ATP2B3: variants seen among roughly 807,000 people sequenced by gnomAD.
ATP2B3 encodes plasma membrane calcium-transporting ATPase 3.
ATP2B3 carries 12 observed loss-of-function variants against 70.8 expected under a neutral mutation model. That is an observed-to-expected ratio of 0.17 (90% CI 0.11 to 0.27). ATP2B3 has a LOEUF of 0.27. Among genes scored for constraint, ATP2B3 ranks in the 10% least tolerant of loss-of-function variants. ATP2B3 has a pLI of 1.00. For missense variants in ATP2B3, 858 were observed against 1,118.5 expected, an observed-to-expected ratio of 0.77 and a Z score of 3.32; for synonymous variants, 460 against 497.8, an observed-to-expected ratio of 0.92 and a Z score of 1.01.
At chrX:153,574,954 G>A (rs1557020973) in intron 21 of ATP2B3, 10 of 300,083 alleles carry the variant, frequency 3.3e-5, no homozygotes, top group African/African-American at 8.0e-5. Context: ...CACGCAAGTC[G>A]GGAGCCCGGG....
chrX:153,540,657 G>C (rs999241180), intron 3 of ATP2B3, among the ~76,000 whole-genome samples: 18 of 112,904 alleles, frequency 1.6e-4, no homozygotes, highest in African/African-American at 5.5e-4. Flanking sequence ...CACAGGTTGG[G>C]CTGTGTGACA....
intron 7 of ATP2B3, among the ~76,000 whole-genome samples, chrX:153,545,455 G>A (rs1557008359): frequency 1.8e-5 from 2 of 113,183 alleles, no homozygotes; most frequent in African/African-American, 6.4e-5. Context: ...TGAATCACTT[G>A]AGGTCAGGAG....
At chrX:153,534,092 T>C (rs1557002875) in intron 2 of ATP2B3, among the ~76,000 whole-genome samples, 1 of 111,626 alleles carries the variant, frequency 9.0e-6, no homozygotes, top group African/African-American at 3.3e-5. Context: ...TGGCACAAAG[T>C]TGCTACATGG....
rs1557022162 is a variant in ATP2B3, at chrX:153,579,709, C to T, written c.3343-269C>T. ...CTGCCATCTTTTCCTGCATGCGGAT[C>T]GGTTGACGAGACCAAGGCCCACACC... On this transcript the variant is annotated intron_variant, in intron 21 of 21. Coordinates refer to ENST00000263519, the MANE Select transcript of ATP2B3 (RefSeq NM_001001344.3). Among the ~76,000 whole-genome samples the T allele has an allele frequency of 2.7e-5, 3 of 111,248 alleles. No individual in the cohort carries two copies. The Admixed American group carries it at 2.9e-4, about 11-fold the overall frequency.
chrX:153,556,508 C>G, intron 15 of ATP2B3, 90 bp downstream of exon 15: 5 of 927,720 alleles, frequency 5.4e-6, no homozygotes, highest in Non-Finnish European at 7.5e-6. Context: ...AAACAGGTCC[C>G]CAGGGCCTGC....
rs140639585 is a variant in ATP2B3 at position 153,538,502 on chromosome X, C to T, written c.208+2047C>T. 9.1e-3 allele frequency among the ~76,000 whole-genome samples: 1,036 copies of T among 113,253 alleles called. 12 individuals carry two copies. The highest frequency in any genetic ancestry group is 0.032 in the African/African-American group (986 of 31,244). ...GTTGTCAGGAAACCTGGGTCTCAGG[C>T]TGAACTCAGAGGTGGGTTCGCCCGG... On this transcript the variant is annotated intron_variant, in intron 3 of 21. Transcript: ENST00000263519.
At chrX:153,543,253 G>A in intron 7 of ATP2B3, 85 bp downstream of exon 7, 1 of 1,100,580 alleles carries the variant, frequency 9.1e-7, no homozygotes. Flanking sequence ...CGGTGCCACT[G>A]GGGGCTCAGG....
intron 21 of ATP2B3, among the ~76,000 whole-genome samples, chrX:153,571,797 C>G (rs1557020036): frequency 8.9e-6 from 1 of 112,725 alleles, no homozygotes; most frequent in Non-Finnish European, 1.9e-5. Flanking sequence ...CCCTTGCACA[C>G]TGTGTGCTCC....
intron 21 of ATP2B3, among the ~76,000 whole-genome samples, chrX:153,568,682 G>A (rs989836054): frequency 2.0e-4 from 22 of 112,063 alleles, no homozygotes; most frequent in African/African-American, 4.5e-4. Flanking sequence ...TTTCCACAGC[G>A]CGTCAAAGGC....
At chrX:153,544,781 TC>T (rs2090339046) in intron 7 of ATP2B3, among the ~76,000 whole-genome samples, 1 of 111,020 alleles carries the variant, frequency 9.0e-6, no homozygotes, top group Admixed American at 9.4e-5. Flanking sequence ...CTCCTCACCT[TC>T]CCCCCACTCC....
In ATP2B3 at chrX:153,568,846, T is replaced by C. The variant is rs1429791474; in HGVS notation, c.3342+3743T>C. On this transcript the variant is annotated intron_variant, in intron 21 of 21. Transcript: ENST00000263519. ...AGGGCTCGGGCTGGAGCAGGTAGCTTTGGGCTCCAGATGCGCACACTGGCT... is the reference window on the plus strand; with the variant it reads ...AGGGCTCGGGCTGGAGCAGGTAGCTCTGGGCTCCAGATGCGCACACTGGCT... Among the ~76,000 whole-genome samples the C allele has an allele frequency of 5.3e-5, 6 of 112,439 alleles. No homozygotes were observed. In the East Asian group the frequency reaches 1.7e-3, roughly 32 times the overall value.
At chrX:153,571,590 G>A (rs782323972) in intron 21 of ATP2B3, among the ~76,000 whole-genome samples, 1 of 112,127 alleles carries the variant, frequency 8.9e-6, no homozygotes, top group South Asian at 3.7e-4. Flanking sequence ...CCCTGGGGCA[G>A]CCTCTTGCTC....
intron 11 of ATP2B3, 37 bp downstream of exon 11, chrX:153,549,776 G>A (rs1373903871): frequency 4.2e-6 from 5 of 1,186,982 alleles, no homozygotes; most frequent in Admixed American, 2.2e-5. Context: ...AGGGCCGGGG[G>A]CAGGAGCAGG....
rs7064974 is a variant in ATP2B3, at chrX:153,544,378, C to T, written c.916+1210C>T. The stretch of plus-strand genomic sequence containing the variant: ...TCTCAGGCTGCTCACCTTCTCTGTA[C>T]CTTAAATGAGTGTGTCCTTCCTAAC... On this transcript the variant is annotated intron_variant, in intron 7 of 21. Transcript: ENST00000263519. Among the ~76,000 whole-genome samples the T allele has an allele frequency of 5.1e-3, 575 of 112,684 alleles. 1 individual carries two copies. Among genetic ancestry groups the T allele is most frequent in the African/African-American group, 0.018 (549 of 31,049 alleles).
chrX:153,549,137 G>A (rs782784096), intron 10 of ATP2B3, among the ~76,000 whole-genome samples: 2 of 102,798 alleles, frequency 1.9e-5, no homozygotes, highest in East Asian at 3.1e-4. Flanking sequence ...GCGGGGAAGC[G>A]GAGAATCAGC....
Position 153,556,112 on chromosome X carries a change from A to G in ATP2B3, c.2122A>G (p.Asn708Asp). 6 of 1,212,616 alleles carry G rather than the reference A, an allele frequency of 4.9e-6. No individual in the cohort carries two copies. The highest frequency in any genetic ancestry group is 6.7e-6 in the Non-Finnish European group (6 of 895,693). Residue 708 changes from asparagine to aspartate, a missense_variant, in exon 14 of 22, where the codon AAC (asparagine) becomes GAC (aspartate). Asn to Asp is a conservative substitution (Grantham distance 23). This residue lies in a region of ATP2B3 where 242 missense variants were observed against 281.3 expected (regional missense o/e 0.86). Transcript: ENST00000263519. ...CACAGTCCGCATGGTGACTGGGGAC[A>G]ACATCAACACGGCCCGGGCCATCGC... ...GITVRMVTGD[N>D]INTARAIAAK...
rs199835911 is a variant in ATP2B3 at position 153,564,999 on chromosome X, G to A, written c.3238G>A (p.Asp1080Asn). 113 of 1,199,948 alleles carry A rather than the reference G, an allele frequency of 9.4e-5. No homozygotes were observed. The Admixed American group carries it at 1.1e-3, about 11-fold the overall frequency. The stretch of plus-strand genomic sequence containing the variant: ...CGGGCCCGGGAAGGACGAGATGACC[G>A]ACGAGGAGCTGGCCGAAGGCGAGGA... ...GHGPGKDEMT[D>N]EELAEGEEEI... Residue 1080 changes from aspartate to asparagine, a missense_variant, in exon 21 of 22, where the codon GAC (aspartate) becomes AAC (asparagine). By Grantham distance (23) the Asp-to-Asn change is conservative (BLOSUM62 1). This residue lies in a region of ATP2B3 where 265 missense variants were observed against 305.3 expected (regional missense o/e 0.87). Coordinates refer to ENST00000263519, the MANE Select transcript of ATP2B3 (RefSeq NM_001001344.3).
intron 13 of ATP2B3, 127 bp downstream of exon 13, chrX:153,553,396 C>A: frequency 1.8e-6 from 1 of 562,164 alleles, no homozygotes; most frequent in East Asian, 3.6e-5. Flanking sequence ...ACTTGAGCCC[C>A]GTCCTGGGTG....
At chrX:153,542,759 T>C (rs2090306435) in intron 6 of ATP2B3, among the ~76,000 whole-genome samples, 1 of 112,751 alleles carries the variant, frequency 8.9e-6, no homozygotes, top group African/African-American at 3.2e-5. Context: ...CCCTCGACAA[T>C]ATCCAGTGGG....
Sources: gnomAD v4.1 joint callset for allele counts (sites outside exome capture counted in the v4.1 genomes callset) on GRCh38, gnomAD v4.1.1 for gene constraint, gnomAD v4.1.1 regional missense constraint, MANE v1.5 for transcripts, NCBI Gene and HGNC (gene_info 2026-07-23, HGNC 2026-07-21) for gene names.